CELSR2: variants seen among roughly 807,000 people sequenced by gnomAD.
CELSR2 encodes the protein cadherin EGF LAG seven-pass G-type receptor 2.
In CELSR2, 81 loss-of-function variants were observed where a neutral mutation model predicts 251.6. The observed-to-expected ratio is 0.32, with a 90% confidence interval of 0.27 to 0.39. The LOEUF is 0.39. Ranked by LOEUF, CELSR2 falls within the 10% of genes least tolerant of loss-of-function variation. The pLI is 1.00. For missense variants in CELSR2, 3,365 were observed against 3,947.7 expected (o/e 0.85, Z 3.96); for synonymous variants, 1,721 against 1,670.5 (o/e 1.03, Z -0.74).
In CELSR2 at chr1:109,271,693, G is replaced by C; in HGVS notation, c.7897G>C (p.Ala2633Pro). Residue 2633 changes from alanine to proline, a missense_variant, in exon 28 of 34, where the codon GCT (alanine) becomes CCT (proline). Around this residue, in one of 5 missense-constraint regions of CELSR2, gnomAD observed 2,093 missense variants for 2,382.8 expected, o/e 0.88. Transcript: ENST00000271332. Reference sequence around the variant, plus strand: ...CAGCCGCAAGCCCAGCCCTGACCCTGCTCTGACCACCAAGTCCACCCTGAC... The same window carrying C: ...CAGCCGCAAGCCCAGCCCTGACCCTCCTCTGACCACCAAGTCCACCCTGAC... ...ACSRKPSPDP[A>P]LTTKSTLTSS... 1.2e-6 allele frequency: 2 copies of C among 1,613,992 alleles called. No homozygotes were observed. The highest frequency in any genetic ancestry group is 4.5e-5 in the East Asian group (2 of 44,872).
At position 109,263,668 on chromosome 1, in the gene CELSR2, C is replaced by T. The variant is rs139381040; in HGVS notation, c.4892C>T (p.Ser1631Leu). ...AGCCTGGTGGCCTGGCATGGCCTCT[C>T]GCTGCCCATCTCCCAACCCTGGTAC... ...GSSLVAWHGL[S>L]LPISQPWYLS... Residue 1631 changes from serine to leucine, a missense_variant, in exon 9 of 34, where the codon TCG becomes TTG. Ser to Leu is a moderately radical substitution (Grantham distance 145). Transcript: ENST00000271332. 23 of 1,614,036 alleles carry T rather than the reference C, an allele frequency of 1.4e-5. No individual in the cohort carries two copies. The South Asian group carries it at 2.1e-4, about 15-fold the overall frequency.
At chr1:109,270,697 T>A in intron 24 of CELSR2, 97 bp downstream of exon 24, 1 of 1,454,828 alleles carries the variant, frequency 6.9e-7, no homozygotes, top group Non-Finnish European at 9.4e-7. Flanking sequence ...AGGCCCCACA[T>A]CCCCATGCCC....
chr1:109,272,861 G>C lies in CELSR2; in HGVS notation c.8172G>C (p.Leu2724=). ...HDPDTDSDSD[L]SLEDDQSGSY... is the part of the protein sequence containing the mutation. ...CTGACACGGACTCCGACAGTGACCT[G>C]TCCTTAGAAGACGACCAGAGTGGCT... Residue 2724 remains leucine (L), a synonymous_variant, in exon 31 of 34, where the codon CTG becomes CTC. Transcript: ENST00000271332. 1.9e-6 allele frequency: 3 copies of C among 1,613,934 alleles called. No individual in the cohort carries two copies. Among genetic ancestry groups the C allele is most frequent in the Non-Finnish European group, 2.5e-6 (3 of 1,179,922 alleles).
chr1:109,252,669 T>C lies in CELSR2; in HGVS notation c.2590T>C (p.Phe864Leu), dbSNP rs1322623515. The stretch of plus-strand genomic sequence containing the variant: ...AGGAGGCGACGATGGAGACGGTGAC[T>C]TTATTGTTGAGTCCACGTCAGGCAT... The part of the protein sequence containing the change: ...FQGGDDGDGD[F>L]IVESTSGIVR... Residue 864 changes from phenylalanine (F) to leucine (L), a missense_variant, in exon 1 of 34, where the codon TTT (phenylalanine) becomes CTT (leucine). Physicochemically the swap from Phe to Leu is conservative, Grantham distance 22. Around this residue, in one of 5 missense-constraint regions of CELSR2, gnomAD observed 505 missense variants for 660.0 expected, o/e 0.77. Transcript: ENST00000271332. The surrounding 1 kb of genome is among the most constrained non-coding windows in gnomAD (Gnocchi z 4.8). 1.2e-6 allele frequency: 2 copies of C among 1,613,900 alleles called. No homozygotes were observed. Among genetic ancestry groups the C allele is most frequent in the South Asian group, 2.2e-5 (2 of 91,086 alleles).
chr1:109,252,779 A>C lies in CELSR2; in HGVS notation c.2700A>C (p.Pro900=), dbSNP rs761361328. ...ATGCAGTGGACAAGGGGATGCCCCC[A>C]GCCCGCACACCTATGGAAGTGACAG... is the stretch of plus-strand genomic sequence containing the variant. ...RAYAVDKGMP[P]ARTPMEVTVT... is the part of the protein sequence containing the mutation. The change falls in exon 1 of 34, where the codon CCA becomes CCC. Residue 900 remains proline (P), a synonymous_variant. Coordinates refer to ENST00000271332, the MANE Select transcript of CELSR2 (RefSeq NM_001408.3). This position sits in a 1 kb window ranked among gnomAD's most constrained non-coding sequence, Gnocchi z 4.8. 8.1e-6 allele frequency: 13 copies of C among 1,614,018 alleles called. No homozygotes were observed. The highest frequency in any genetic ancestry group is 1.7e-5 in the Admixed American group (1 of 60,026).
At position 109,274,209 on chromosome 1, in the gene CELSR2, A is replaced by G; in HGVS notation, c.*160A>G. The G allele has an allele frequency of 6.5e-7, 1 of 1,534,420 alleles. No homozygotes were observed. The highest frequency in any genetic ancestry group is 8.7e-7 in the Non-Finnish European group (1 of 1,144,244). ...GAGCCTGGGCCTTGCCGGGAGGGGT[A>G]CTCACCCCACCTAAGGCCATCTAGT... On this transcript the variant is annotated 3_prime_UTR_variant, in exon 34 of 34. Coordinates refer to ENST00000271332, the MANE Select transcript of CELSR2 (RefSeq NM_001408.3).
rs771432538 is a variant in CELSR2 at position 109,250,703 on chromosome 1, G to A, written c.624G>A (p.Pro208=). The change falls in exon 1 of 34, where the codon CCG becomes CCA. Residue 208 remains proline (P), a synonymous_variant. Coordinates refer to ENST00000271332, the MANE Select transcript of CELSR2 (RefSeq NM_001408.3). This position sits in a 1 kb window ranked among gnomAD's most constrained non-coding sequence, Gnocchi z 4.4. ...TTGCATCCCTGAGGGCCATCGACCC[G>A]GACGAGGGTGAGGCAGGTCGACTGG... ...TPVASLRAID[P]DEGEAGRLEY... 25 of 1,613,974 alleles carry A rather than the reference G, an allele frequency of 1.5e-5. No homozygotes were observed. In the Admixed American group the frequency reaches 1.7e-4, roughly 11 times the overall value.
At position 109,264,311 on chromosome 1, in the gene CELSR2, C is replaced by A. The variant is rs113593332; in HGVS notation, c.5235C>A (p.Gly1745=). The part of the protein sequence containing the change: ...HGLHLSNITV[G]GIPGPAGGVA... ...TGCACCTGAGCAACATAACAGTGGG[C>A]GGAATACCTGGGCCAGCCGGCGGTG... Residue 1745 remains glycine, a synonymous_variant, in exon 10 of 34, where the codon GGC becomes GGA. Transcript: ENST00000271332. The A allele has an allele frequency of 7.4e-6, 12 of 1,613,428 alleles. No individual in the cohort carries two copies. The highest frequency in any genetic ancestry group is 1.0e-5 in the Non-Finnish European group (12 of 1,179,600).
At position 109,252,191 on chromosome 1, in the gene CELSR2, C is replaced by T. The variant is rs778029224; in HGVS notation, c.2112C>T (p.Asp704=). The change falls in exon 1 of 34, where the codon GAC becomes GAT. Residue 704 remains aspartate (D), a synonymous_variant. Coordinates refer to ENST00000271332, the MANE Select transcript of CELSR2 (RefSeq NM_001408.3). This position sits in a 1 kb window ranked among gnomAD's most constrained non-coding sequence, Gnocchi z 4.8. The part of the protein sequence containing the change: ...DTAQIVVNVT[D]ANTHRPVFQS... ...CACAGATTGTGGTGAATGTCACCGA[C>T]GCCAACACCCATCGTCCTGTCTTTC... is the stretch of plus-strand genomic sequence containing the variant. 3.3e-5 allele frequency: 53 copies of T among 1,613,740 alleles called. No individual in the cohort carries two copies. The highest frequency in any genetic ancestry group is 1.6e-4 in the South Asian group (15 of 91,080).
Position 109,263,646 on chromosome 1 carries a change from C to T in CELSR2, c.4870C>T (p.Leu1624=), listed in dbSNP as rs1327161683. Residue 1624 remains leucine (L), a synonymous_variant, in exon 9 of 34, where the codon CTG becomes TTG. Transcript: ENST00000271332. ...TCCACAGCACTTCCTGGGCAGCAGC[C>T]TGGTGGCCTGGCATGGCCTCTCGCT... ...ANPQHFLGSS[L]VAWHGLSLPI... is the part of the protein sequence containing the mutation. The T allele has an allele frequency of 6.2e-7, 1 of 1,613,932 alleles. No individual in the cohort carries two copies. The highest frequency in any genetic ancestry group is 8.5e-7 in the Non-Finnish European group (1 of 1,179,986).
In CELSR2 at chr1:109,252,114, C is replaced by T. The variant is rs1348122952; in HGVS notation, c.2035C>T (p.Arg679Trp). Residue 679 changes from arginine to tryptophan, a missense_variant, in exon 1 of 34, where the codon CGG (arginine) becomes TGG (tryptophan). Coordinates refer to ENST00000271332, the MANE Select transcript of CELSR2 (RefSeq NM_001408.3). This position sits in a 1 kb window ranked among gnomAD's most constrained non-coding sequence, Gnocchi z 4.8. ...LALPLDYKLE[R>W]QYVLAVTASD... ...CCTGCCACTGGACTACAAACTTGAG[C>T]GGCAGTATGTGTTGGCTGTTACCGC... 21 of 1,613,982 alleles carry T rather than the reference C, an allele frequency of 1.3e-5. No homozygotes were observed. The East Asian group carries it at 2.2e-4, about 17-fold the overall frequency.
In CELSR2 at chr1:109,252,564, C is replaced by CA; in HGVS notation, c.2485_2486insA (p.Pro829HisfsTer5). ...CCAGGGCAGTGTCTATGAGGATGTG[C>CA]CACCCTTCACTAGCGTCCTGCAGAT... On this transcript the variant is annotated frameshift_variant, in exon 1 of 34. Transcript: ENST00000271332. LOFTEE classifies it high-confidence loss of function. This position sits in a 1 kb window ranked among gnomAD's most constrained non-coding sequence, Gnocchi z 4.8. 6.2e-7 allele frequency: 1 copy of CA among 1,613,890 alleles called. No homozygotes were observed. Among genetic ancestry groups the CA allele is most frequent in the Non-Finnish European group, 8.5e-7 (1 of 1,180,034 alleles).
intron 1 of CELSR2, 28 bp downstream of exon 1, chr1:109,253,417 G>T (rs1209657188): frequency 1.2e-6 from 2 of 1,600,118 alleles, no homozygotes; most frequent in South Asian, 1.1e-5. Context: ...TGGCGCTGGG[G>T]TGGGGGTAGC....
In CELSR2 at chr1:109,251,366, G is replaced by A. The variant is rs1655682368; in HGVS notation, c.1287G>A (p.Gly429=). ...LRVTASDRDK[G]SNAVVHYSIM... The stretch of plus-strand genomic sequence containing the variant: ...TCACAGCCTCGGATCGAGACAAGGG[G>A]AGCAATGCCGTGGTGCACTATAGCA... The change falls in exon 1 of 34, where the codon GGG becomes GGA. Residue 429 remains glycine, a synonymous_variant. Coordinates refer to ENST00000271332, the MANE Select transcript of CELSR2 (RefSeq NM_001408.3). The surrounding 1 kb of genome is among the most constrained non-coding windows in gnomAD (Gnocchi z 4.9). 2 of 1,614,004 alleles carry A rather than the reference G, an allele frequency of 1.2e-6. No homozygotes were observed. Among genetic ancestry groups the A allele is most frequent in the South Asian group, 2.2e-5 (2 of 91,088 alleles).
chr1:109,269,790 C>T lies in CELSR2; in HGVS notation c.7077C>T (p.Phe2359=), dbSNP rs1189095778. The T allele has an allele frequency of 1.3e-5, 21 of 1,613,420 alleles. No homozygotes were observed. Among genetic ancestry groups the T allele is most frequent in the Admixed American group, 3.3e-5 (2 of 60,008 alleles). The part of the protein sequence containing the change: ...VSCQCNHMTS[F]AVLMDVSRRE... ...GCCAGTGCAACCACATGACGAGCTTCGCTGTGCTCATGGACGTTTCTCGGC... is the reference window on the plus strand; with the variant it reads ...GCCAGTGCAACCACATGACGAGCTTTGCTGTGCTCATGGACGTTTCTCGGC... The change falls in exon 22 of 34, where the codon TTC becomes TTT. Residue 2359 remains phenylalanine (F), a synonymous_variant. Coordinates refer to ENST00000271332, the MANE Select transcript of CELSR2 (RefSeq NM_001408.3). This position sits in a 1 kb window ranked among gnomAD's most constrained non-coding sequence, Gnocchi z 6.4.
In CELSR2 at chr1:109,268,969, C is replaced by A. The variant is rs1487140373; in HGVS notation, c.6592C>A (p.Leu2198Ile). 6.2e-7 allele frequency: 1 copy of A among 1,613,576 alleles called. No individual in the cohort carries two copies. The highest frequency in any genetic ancestry group is 1.7e-5 in the Admixed American group (1 of 59,994). Residue 2198 changes from leucine (L) to isoleucine (I), a missense_variant, in exon 19 of 34, where the codon CTT (leucine) becomes ATT (isoleucine). By Grantham distance (5) the Leu-to-Ile change is conservative. This residue lies in a region of CELSR2 where 2,093 missense variants were observed against 2,382.8 expected (regional missense o/e 0.88). Transcript: ENST00000271332. ...CCTGCGTGGGGAGCAGCCCCCGGAC[C>A]TTGAGACAACAGTCATTCTGCCTGA... ...EALRGEQPPD[L>I]ETTVILPESV...
Position 109,251,187 on chromosome 1 carries a change from A to G in CELSR2, c.1108A>G (p.Ser370Gly), listed in dbSNP as rs748247760. The G allele has an allele frequency of 1.9e-6, 3 of 1,613,726 alleles. No individual in the cohort carries two copies. Among genetic ancestry groups the G allele is most frequent in the Middle Eastern group, 1.6e-4 (1 of 6,062 alleles). Residue 370 changes from serine (S) to glycine (G), a missense_variant, in exon 1 of 34, where the codon AGT becomes GGT. Coordinates refer to ENST00000271332, the MANE Select transcript of CELSR2 (RefSeq NM_001408.3). The surrounding 1 kb of genome is among the most constrained non-coding windows in gnomAD (Gnocchi z 4.9). ...VESYQLTVEA[S>G]DQGRDPGPRS... ...ATCCTACCAGCTGACGGTAGAGGCA[A>G]GTGACCAGGGTCGGGACCCGGGTCC...
At chr1:109,265,495 C>T (rs608196) in intron 13 of CELSR2, among the ~76,000 whole-genome samples, 184 bp downstream of exon 13, 10,841 of 152,282 alleles carry the variant, frequency 0.071, 542 homozygotes, top group Non-Finnish European at 0.099. Context: ...GGACCCTGGG[C>T]CAATGTGTAA....
chr1:109,269,301 A>G lies in CELSR2; in HGVS notation c.6812+11A>G. 1 of 1,612,984 alleles carries G rather than the reference A, an allele frequency of 6.2e-7. No homozygotes were observed. The highest frequency in any genetic ancestry group is 2.2e-5 in the East Asian group (1 of 44,878). ...CAAGCGCAGCTTGAGGTCAGCAGCT[A>G]GGGGACAGGTGTGGGTAGGGGTATG... On this transcript the variant is annotated intron_variant, in intron 20 of 33. Transcript: ENST00000271332. The surrounding 1 kb of genome is among the most constrained non-coding windows in gnomAD (Gnocchi z 6.4).
Sources: gnomAD v4.1 joint callset for allele counts (sites outside exome capture counted in the v4.1 genomes callset) on GRCh38, gnomAD v4.1.1 for gene constraint, gnomAD v4.1.1 regional missense constraint, Gnocchi (gnomAD v3.1) non-coding constraint, MANE v1.5 for transcripts, NCBI Gene and HGNC (gene_info 2026-07-23, HGNC 2026-07-21) for gene names.